Variants in RMND1 observed in about 807,000 individuals in gnomAD.
RMND1 encodes the protein required for meiotic nuclear division 1 homolog.
In RMND1, 41 loss-of-function variants were observed where a neutral mutation model predicts 54.0. That is an observed-to-expected ratio of 0.76 (90% confidence interval 0.59 to 0.98). RMND1 has a LOEUF of 0.98. Among genes scored for constraint, RMND1 ranks in the 50% least tolerant of loss-of-function variants. The pLI is 0.00. For missense variants in RMND1, 457 were observed against 532.0 expected, an observed-to-expected ratio of 0.86 and a Z score of 1.39; for synonymous variants, 183 against 181.7, an observed-to-expected ratio of 1.01 and a Z score of -0.06.
chr6:151,451,914 T>G (rs919364998), intron 1 of RMND1, 102 bp downstream of exon 1: 2 of 152,430 alleles, frequency 1.3e-5, no homozygotes, highest in Non-Finnish European at 2.9e-5. Context: ...ACAGCCGCAC[T>G]GGCGTAACCC....
intron 1 of RMND1, among the ~76,000 whole-genome samples, chr6:151,451,531 A>G (rs1781197090): frequency 6.6e-6 from 1 of 152,170 alleles, no homozygotes; most frequent in Non-Finnish European, 1.5e-5. Flanking sequence ...TCTTCCTTCC[A>G]GAATGGAAGC....
At chr6:151,405,447 T>C (rs527600095) in intron 11 of RMND1, among the ~76,000 whole-genome samples, 180 bp from the exon 12 acceptor site, 12 of 152,344 alleles carry the variant, frequency 7.9e-5, no homozygotes, top group Admixed American at 7.2e-4. Flanking sequence ...AGCTGTACAT[T>C]ATAAATTTAC....
chr6:151,422,927 C>T (rs3800270), intron 7 of RMND1, among the ~76,000 whole-genome samples: 14,823 of 152,090 alleles, frequency 0.097, 946 homozygotes, highest in East Asian at 0.19. Flanking sequence ...AGATAGGGCG[C>T]GACTAAGACT....
At chr6:151,449,304 G>A (rs1288354318) in intron 1 of RMND1, among the ~76,000 whole-genome samples, 1 of 151,590 alleles carries the variant, frequency 6.6e-6, no homozygotes, top group Non-Finnish European at 1.5e-5. Flanking sequence ...GGGAGGTGGA[G>A]GTTGCAGTGA....
intron 6 of RMND1, among the ~76,000 whole-genome samples, chr6:151,425,346 AGT>A (rs941439973): frequency 6.6e-6 from 1 of 152,130 alleles, no homozygotes; most frequent in Non-Finnish European, 1.5e-5. Context: ...CAGCCAGGAC[AGT>A]CTTTCTGACG....
At chr6:151,422,726 C>A in intron 7 of RMND1, 121 bp from the exon 8 acceptor site, 1 of 457,830 alleles carries the variant, frequency 2.2e-6, no homozygotes, top group South Asian at 5.2e-5. Context: ...AGTACTAAAA[C>A]CTTGAAAATA....
At chr6:151,411,019 G>A (rs767655198) in intron 10 of RMND1, among the ~76,000 whole-genome samples, 1 of 152,108 alleles carries the variant, frequency 6.6e-6, no homozygotes, top group Non-Finnish European at 1.5e-5. Flanking sequence ...GAGTGCAGTG[G>A]TGCAATCTCA....
Position 151,405,753 on chromosome 6 carries a change from C to G in RMND1, c.1284G>C (p.Leu428Phe), listed in dbSNP as rs1287400581. The G allele has an allele frequency of 1.2e-6, 2 of 1,602,764 alleles. No individual in the cohort carries two copies. Among genetic ancestry groups the G allele is most frequent in the Non-Finnish European group, 1.7e-6 (2 of 1,169,922 alleles). The change falls in exon 11 of 12, where the codon TTG (leucine) becomes TTC (phenylalanine). Residue 428 changes from leucine (L) to phenylalanine (F), a missense_variant. Transcript: ENST00000444024. ...NHLNEKRALRLEWMIVILITI... is the reference protein window; with the variant it reads ...NHLNEKRALRFEWMIVILITI... Reference sequence around the variant, plus strand: ...TAATGAGGATGACAATCATCCACTCCAAGCGGAGTGCCCTCTTCTCATTCA... The same window carrying G: ...TAATGAGGATGACAATCATCCACTCGAAGCGGAGTGCCCTCTTCTCATTCA...
chr6:151,446,004 C>T (rs956241166), intron 1 of RMND1, 179 bp from the exon 2 acceptor site: 13 of 576,664 alleles, frequency 2.3e-5, no homozygotes, highest in Non-Finnish European at 3.5e-5. Context: ...GCCACTTTGC[C>T]TTTAGCAACA....
chr6:151,419,887 C>G (rs1465332380), intron 9 of RMND1, among the ~76,000 whole-genome samples: 1 of 151,990 alleles, frequency 6.6e-6, no homozygotes, highest in African/African-American at 2.4e-5. Context: ...TGCAAGCAAA[C>G]ACATGTACAT....
At position 151,433,233 on chromosome 6, in the gene RMND1, G is replaced by C. The variant is rs1344184478; in HGVS notation, c.614-3C>G. The C allele has an allele frequency of 1.2e-6, 2 of 1,606,094 alleles. No homozygotes were observed. The highest frequency in any genetic ancestry group is 1.7e-6 in the Non-Finnish European group (2 of 1,174,352). Reference sequence around the variant, plus strand: ...CATCACCAAAATATTTGCTGCATCTGTGATTTAAAATAAACGAACAAAAAA... The same window carrying C: ...CATCACCAAAATATTTGCTGCATCTCTGATTTAAAATAAACGAACAAAAAA... On this transcript the variant is annotated splice_polypyrimidine_tract_variant and splice_region_variant and intron_variant, in intron 3 of 11. Transcript: ENST00000444024.
chr6:151,442,581 G>A (rs932311926), intron 2 of RMND1, among the ~76,000 whole-genome samples: 2 of 152,060 alleles, frequency 1.3e-5, no homozygotes, highest in African/African-American at 2.4e-5. Flanking sequence ...CAGGCTGGAC[G>A]GAGCGAGGTG....
At chr6:151,440,261 A>G (rs944260851) in intron 2 of RMND1, among the ~76,000 whole-genome samples, 5 of 152,224 alleles carry the variant, frequency 3.3e-5, no homozygotes, top group Non-Finnish European at 5.9e-5. Context: ...GCCAGGCACT[A>G]TTATTTTAAA....
At chr6:151,450,585 T>C (rs1318497393) in intron 1 of RMND1, among the ~76,000 whole-genome samples, 1 of 127,834 alleles carries the variant, frequency 7.8e-6, no homozygotes, top group Non-Finnish European at 1.6e-5. Context: ...GGTGGGGGGG[T>C]CAGCCCCCCG....
At chr6:151,438,206 TAA>T (rs1780668604) in intron 2 of RMND1, among the ~76,000 whole-genome samples, 1 of 152,240 alleles carries the variant, frequency 6.6e-6, no homozygotes, top group African/African-American at 2.4e-5. Context: ...ACGATGTGTG[TAA>T]AGATTCGGCC....
rs747833964 is a variant in RMND1 at position 151,422,623 on chromosome 6, A to G, written c.938-18T>C. On this transcript the variant is annotated intron_variant, in intron 7 of 11. Coordinates refer to ENST00000444024, the MANE Select transcript of RMND1 (RefSeq NM_017909.4). ...CAGTTTTACTGGGAAAAAAATTAATAATGGAACATTTCTTTATCATCATAT... is the reference window on the plus strand; with the variant it reads ...CAGTTTTACTGGGAAAAAAATTAATGATGGAACATTTCTTTATCATCATAT... The G allele has an allele frequency of 1.5e-6, 2 of 1,313,738 alleles. No individual in the cohort carries two copies. Among genetic ancestry groups the G allele is most frequent in the East Asian group, 5.0e-5 (2 of 39,868 alleles). The allele number at this position is 1,313,738 out of a possible 1,614,324, so 81.4% of individuals were successfully genotyped here. A position where few individuals can be genotyped will look rare whatever the true frequency, so the allele number is the denominator to read the frequency against.
At chr6:151,439,631 G>A (rs1780712523) in intron 2 of RMND1, among the ~76,000 whole-genome samples, 1 of 152,124 alleles carries the variant, frequency 6.6e-6, no homozygotes, top group Admixed American at 6.6e-5. Flanking sequence ...GGCGGTGGCA[G>A]GCATTATTAT....
chr6:151,407,828 A>G (rs1004854775), intron 10 of RMND1, among the ~76,000 whole-genome samples: 2 of 151,878 alleles, frequency 1.3e-5, no homozygotes, highest in Admixed American at 6.6e-5. Flanking sequence ...AATAGTGTGA[A>G]CCCAGCCGGG....
chr6:151,436,151 A>C (rs1582962726), intron 3 of RMND1: 1 of 246,502 alleles, frequency 4.1e-6, no homozygotes, highest in African/African-American at 2.3e-5. Context: ...AGACACACAC[A>C]AACTAAAATA....
Sources: gnomAD v4.1 joint callset for allele counts (sites outside exome capture counted in the v4.1 genomes callset) on GRCh38, gnomAD v4.1.1 for gene constraint, MANE v1.5 for transcripts, NCBI Gene and HGNC (gene_info 2026-07-23, HGNC 2026-07-21) for gene names.